ADGRB3: variants seen among roughly 807,000 people sequenced by gnomAD.
ADGRB3 encodes the protein adhesion G protein-coupled receptor B3, also known as brain-specific angiogenesis inhibitor 3.
ADGRB3 carries 37 observed loss-of-function variants against 193.4 expected under a neutral mutation model. The observed-to-expected ratio is 0.19, with a 90% CI of 0.15 to 0.25. ADGRB3 has a LOEUF of 0.25. Ranked by LOEUF, ADGRB3 falls within the 10% of genes least tolerant of loss-of-function variation. ADGRB3 has a pLI of 1.00. For synonymous variants in ADGRB3, 690 were observed against 644.2 expected (o/e 1.07, Z -1.08); for missense variants, 1,637 against 1,852.9 (o/e 0.88, Z 2.14).
chr6:69,248,438 A>G (rs1282689532), intron 20 of ADGRB3, among the ~76,000 whole-genome samples: 3 of 152,224 alleles, frequency 2.0e-5, no homozygotes, highest in Middle Eastern at 3.2e-3. Flanking sequence ...CAGGGTGAAT[A>G]TGAGGTGAAG....
chr6:68,732,777 G>A (rs1268625959), intron 3 of ADGRB3, among the ~76,000 whole-genome samples: 3 of 151,828 alleles, frequency 2.0e-5, no homozygotes, highest in South Asian at 2.1e-4. Flanking sequence ...TGAGTCTTAC[G>A]CAGGTATATT....
intron 30 of ADGRB3, among the ~76,000 whole-genome samples, chr6:69,381,439 C>G (rs965474000): frequency 6.6e-6 from 1 of 151,870 alleles, no homozygotes; most frequent in East Asian, 1.9e-4. Context: ...CTGATTGTTG[C>G]AAGACATAAA....
intron 3 of ADGRB3, among the ~76,000 whole-genome samples, chr6:68,801,793 T>C (rs951258611): frequency 1.1e-4 from 16 of 152,210 alleles, no homozygotes; most frequent in Non-Finnish European, 1.5e-5. Context: ...TGGAAACTCC[T>C]ATGAAATGCA....
chr6:68,800,435 A>G lies in ADGRB3; in HGVS notation c.758-130124A>G, dbSNP rs143146703. ...TTATGAGAGAGTTCAGGCTGGAGCTATGAACCTGGGAATCATCAGCATATA... is the reference window on the plus strand; with the variant it reads ...TTATGAGAGAGTTCAGGCTGGAGCTGTGAACCTGGGAATCATCAGCATATA... On this transcript the variant is annotated intron_variant, in intron 3 of 31. Transcript: ENST00000370598. 3.9e-5 allele frequency among the ~76,000 whole-genome samples: 6 copies of G among 152,272 alleles called. No homozygotes were observed. The East Asian group carries it at 1.2e-3, about 29-fold the overall frequency.
At chr6:69,375,440 C>T (rs993692223) in intron 30 of ADGRB3, among the ~76,000 whole-genome samples, 1 of 151,996 alleles carries the variant, frequency 6.6e-6, no homozygotes, top group Non-Finnish European at 1.5e-5. Flanking sequence ...TGGTCCTTAA[C>T]TGAACATAGG....
At chr6:69,245,809 T>G (rs1354247001) in intron 20 of ADGRB3, among the ~76,000 whole-genome samples, 3 of 152,170 alleles carry the variant, frequency 2.0e-5, no homozygotes, top group Non-Finnish European at 4.4e-5. Context: ...TACCTGTTTA[T>G]AATCAGACTA....
chr6:68,733,180 A>G (rs1765804068), intron 3 of ADGRB3, among the ~76,000 whole-genome samples: 1 of 150,896 alleles, frequency 6.6e-6, no homozygotes, highest in Non-Finnish European at 1.5e-5. Context: ...TTGTATATTT[A>G]TTACAGCCTA....
At chr6:69,208,733 G>A (rs1433257841) in intron 17 of ADGRB3, among the ~76,000 whole-genome samples, 1 of 152,170 alleles carries the variant, frequency 6.6e-6, no homozygotes, top group Non-Finnish European at 1.5e-5. Flanking sequence ...GGAGACCATG[G>A]CCATTTGAGA....
chr6:69,092,297 A>G (rs1314786060), intron 17 of ADGRB3, among the ~76,000 whole-genome samples: 2 of 152,146 alleles, frequency 1.3e-5, no homozygotes, highest in Admixed American at 6.5e-5. Flanking sequence ...TCCATTGTCT[A>G]TTTTGGGGAA....
chr6:69,147,094 T>C (rs1704922284), intron 17 of ADGRB3, among the ~76,000 whole-genome samples: 1 of 152,076 alleles, frequency 6.6e-6, no homozygotes, highest in Admixed American at 6.5e-5. Flanking sequence ...AAAAAAACAC[T>C]TTTTGTTGCA....
Position 68,980,062 on chromosome 6 carries a change from T to C in ADGRB3, c.1734+4722T>C, listed in dbSNP as rs1226258343. The stretch of plus-strand genomic sequence containing the variant: ...TCCTTCCCTGGAGATGAGTGAGTGA[T>C]GAAGATGGAGAAAGGCTAAAGATAC... On this transcript the variant is annotated intron_variant, in intron 10 of 31. Transcript: ENST00000370598. 2.0e-5 allele frequency among the ~76,000 whole-genome samples: 3 copies of C among 151,530 alleles called. 1 individual carries two copies. Among genetic ancestry groups the C allele is most frequent in the Non-Finnish European group, 4.4e-5 (3 of 67,642 alleles).
At chr6:69,238,932 A>G (rs575697386) in intron 19 of ADGRB3, among the ~76,000 whole-genome samples, 192 bp from the exon 20 acceptor site, 1 of 152,156 alleles carries the variant, frequency 6.6e-6, no homozygotes, top group African/African-American at 2.4e-5. Flanking sequence ...TGCACATGCC[A>G]TACCACTGTA....
chr6:68,863,253 A>T (rs1244285170), intron 3 of ADGRB3, among the ~76,000 whole-genome samples: 1 of 152,044 alleles, frequency 6.6e-6, no homozygotes, highest in African/African-American at 2.4e-5. Flanking sequence ...TGTTATTCAA[A>T]TTCCTGAGTA....
At chr6:69,366,438 A>G (rs761968738) in intron 29 of ADGRB3, among the ~76,000 whole-genome samples, 1 of 152,130 alleles carries the variant, frequency 6.6e-6, no homozygotes, top group Non-Finnish European at 1.5e-5. Context: ...ATCTTCTAGT[A>G]TCTTGTCCAG....
At position 69,361,214 on chromosome 6, in the gene ADGRB3, G is replaced by T. The variant is rs1769443926; in HGVS notation, c.3941G>T (p.Ser1314Ile). ...AGTGACTATATTGTGATGCCCAGAA[G>T]TTCTGTAAATAACCAGCCTTCAATG... ...MESDYIVMPRSSVNNQPSMKE... is the reference protein window; with the variant it reads ...MESDYIVMPRISVNNQPSMKE... Residue 1314 changes from serine to isoleucine, a missense_variant, in exon 29 of 32, where the codon AGT becomes ATT. Around this residue, in one of 7 missense-constraint regions of ADGRB3, gnomAD observed 368 missense variants for 367.4 expected, o/e 1.00. Transcript: ENST00000370598. 1.2e-6 allele frequency: 2 copies of T among 1,612,546 alleles called. No homozygotes were observed. The highest frequency in any genetic ancestry group is 8.5e-7 in the Non-Finnish European group (1 of 1,179,276).
intron 11 of ADGRB3, among the ~76,000 whole-genome samples, chr6:69,008,966 A>T (rs1012778483): frequency 5.3e-5 from 8 of 152,104 alleles, no homozygotes; most frequent in African/African-American, 1.7e-4. Flanking sequence ...TCACTGGAAG[A>T]GGAGGGTGTT....
At chr6:69,253,021 T>G (rs1361222107) in intron 20 of ADGRB3, among the ~76,000 whole-genome samples, 1 of 152,080 alleles carries the variant, frequency 6.6e-6, no homozygotes, top group Non-Finnish European at 1.5e-5. Flanking sequence ...GATATCCAAT[T>G]GTTCTGGTAC....
At chr6:68,946,031 G>C (rs1767767269) in intron 6 of ADGRB3, among the ~76,000 whole-genome samples, 1 of 152,040 alleles carries the variant, frequency 6.6e-6, no homozygotes, top group Admixed American at 6.6e-5. Flanking sequence ...TCTCTCATAA[G>C]TGAACATATG....
At chr6:69,100,928 G>GGAAGGGAAGGAAGAAAGGAA (rs1773031328) in intron 17 of ADGRB3, among the ~76,000 whole-genome samples, 1 of 8,230 alleles carries the variant, frequency 1.2e-4, no homozygotes, top group Non-Finnish European at 2.8e-4. Context: ...GAAGGAAGGA[G>GGAAGGGAAGGAAGAAAGGAA]GGAGGGAGGG....
Sources: allele counts gnomAD v4.1 joint callset (sites outside exome capture counted in the v4.1 genomes callset), GRCh38; gene constraint gnomAD v4.1.1; regional missense constraint gnomAD v4.1.1; transcripts MANE v1.5; gene names NCBI Gene and HGNC (gene_info 2026-07-23, HGNC 2026-07-21).